The following ZFHX3 variants were observed in gnomAD, a reference collection of about 807,000 sequenced individuals.
ZFHX3 encodes zinc finger homeobox 3.
ZFHX3 carries 42 observed loss-of-function variants against 279.1 expected under a neutral mutation model. The ratio of observed to expected loss-of-function variants is 0.15; its 90% CI spans 0.12 to 0.19. The LOEUF is 0.19. Ranked by LOEUF, ZFHX3 falls within the 10% of genes least tolerant of loss-of-function variation. The probability of loss-of-function intolerance (pLI) is 1.00; values close to 1 mark genes in which losing one functional copy is unlikely to be tolerated. For synonymous variants in ZFHX3, 2,293 were observed against 1,957.8 expected, an observed-to-expected ratio of 1.17 and a Z score of -4.52; for missense variants, 4,981 against 4,754.0, an observed-to-expected ratio of 1.05 and a Z score of -1.40.
chr16:72,867,378 T>C (rs2038048177), intron 4 of ZFHX3, among the ~76,000 whole-genome samples: 1 of 152,222 alleles, frequency 6.6e-6, no homozygotes, highest in African/African-American at 2.4e-5. Flanking sequence ...GCACTCTGTC[T>C]AATCCTGAGC....
chr16:73,085,653 CT>C (rs1405302234), intron 8 of ZFHX3, among the ~76,000 whole-genome samples: 1 of 152,134 alleles, frequency 6.6e-6, no homozygotes, highest in Non-Finnish European at 1.5e-5. Context: ...AGCTAGACCC[CT>C]ATCTTTCACC....
chr16:73,046,108 T>C (rs573135336), intron 1 of ZFHX3, among the ~76,000 whole-genome samples: 20 of 152,206 alleles, frequency 1.3e-4, no homozygotes, highest in Non-Finnish European at 1.8e-4. Flanking sequence ...TTGGCCATCA[T>C]AGCTACACAC....
At chr16:73,196,922 C>T (rs1968160776) in intron 5 of ZFHX3, among the ~76,000 whole-genome samples, 1 of 152,112 alleles carries the variant, frequency 6.6e-6, no homozygotes, top group Non-Finnish European at 1.5e-5. Context: ...TCTGGAGGGC[C>T]ATGGAGCTGG....
intron 5 of ZFHX3, among the ~76,000 whole-genome samples, chr16:73,218,567 G>A (rs1010708069): frequency 2.2e-4 from 33 of 152,236 alleles, no homozygotes; most frequent in African/African-American, 7.7e-4. Flanking sequence ...TCAAGAGTTC[G>A]AGACCAGCCT....
rs1555501460 is a variant in ZFHX3 at position 73,784,816 on chromosome 16, T to TATATATACACAC, written c.-1607-104577_-1607-104576insGTGTGTATATAT. On this transcript the variant is annotated intron_variant, in intron 1 of 17. Coordinates refer to the ZFHX3 transcript ENST00000641206. ...AAAAAAATATATATATATATATATA[T>TATATATACACAC]ACACACACACACACACACACATATA... is the stretch of plus-strand genomic sequence containing the variant. Among the ~76,000 whole-genome samples the TATATATACACAC allele has an allele frequency of 1.4e-3, 187 of 135,506 alleles. 1 individual carries two copies. Among genetic ancestry groups the TATATATACACAC allele is most frequent in the African/African-American group, 5.0e-3 (174 of 34,844 alleles). 88.9% of individuals were successfully genotyped at this position (135,506 alleles called of 152,430 possible).
chr16:73,182,584 G>A (rs916251872), intron 5 of ZFHX3, among the ~76,000 whole-genome samples: 20 of 152,174 alleles, frequency 1.3e-4, no homozygotes, highest in African/African-American at 4.6e-4. Flanking sequence ...AAAGGCATGT[G>A]CATTCATGTA....
intron 1 of ZFHX3, among the ~76,000 whole-genome samples, chr16:73,816,419 C>G (rs1415212258): frequency 6.6e-6 from 1 of 152,108 alleles, no homozygotes; most frequent in African/African-American, 2.4e-5. Context: ...GTCCAGACTA[C>G]CCCCTATCTT....
intron 1 of ZFHX3, among the ~76,000 whole-genome samples, chr16:73,842,169 T>C (rs1351596031): frequency 3.3e-5 from 5 of 151,502 alleles, no homozygotes; most frequent in South Asian, 4.2e-4. Context: ...TGAGCCGAGA[T>C]TGCACCACTG....
At chr16:72,891,397 G>A (rs765999800) in intron 3 of ZFHX3, among the ~76,000 whole-genome samples, 12 of 152,190 alleles carry the variant, frequency 7.9e-5, no homozygotes, top group South Asian at 2.1e-4. Context: ...CTGTGGCTAG[G>A]AAGACTTAAA....
At chr16:73,749,406 C>T (rs1241923591) in intron 1 of ZFHX3, among the ~76,000 whole-genome samples, 2 of 152,110 alleles carry the variant, frequency 1.3e-5, no homozygotes, top group African/African-American at 4.8e-5. Flanking sequence ...TCCCTCATCT[C>T]TGGAACTATT....
chr16:73,363,896 G>A (rs901789218), intron 3 of ZFHX3, among the ~76,000 whole-genome samples: 2 of 152,044 alleles, frequency 1.3e-5, no homozygotes, highest in African/African-American at 4.8e-5. Context: ...TACAGTTCTG[G>A]GCACGGCAGC....
chr16:73,846,968 C>T (rs1285882391), intron 1 of ZFHX3, among the ~76,000 whole-genome samples: 1 of 151,968 alleles, frequency 6.6e-6, no homozygotes, highest in South Asian at 2.1e-4. Context: ...TTGTAGGTCA[C>T]AGTGATTCCC....
chr16:72,817,513 A>G lies in ZFHX3; in HGVS notation c.3530-5475T>C, dbSNP rs566971061. ...ATCCACTTGCCCTCCAAGAAAACCA[A>G]CATACTGGTAGAATTAGTTTCTGTG... On this transcript the variant is annotated intron_variant, in intron 5 of 9. Coordinates refer to ENST00000268489, the MANE Select transcript of ZFHX3 (RefSeq NM_006885.4). Among the ~76,000 whole-genome samples the G allele has an allele frequency of 6.6e-5, 10 of 152,290 alleles. No individual in the cohort carries two copies. In the East Asian group the frequency reaches 1.7e-3, roughly 26 times the overall value.
At chr16:72,910,515 C>T (rs551122552) in intron 3 of ZFHX3, among the ~76,000 whole-genome samples, 11 of 152,186 alleles carry the variant, frequency 7.2e-5, no homozygotes, top group South Asian at 2.1e-4. Flanking sequence ...CACAGTCCTG[C>T]GTAGATTTCA....
In ZFHX3 at chr16:73,844,241, G is replaced by C. The variant is rs551141810; in HGVS notation, c.-1608+47410C>G. Among the ~76,000 whole-genome samples, 50 of 152,340 alleles carry C rather than the reference G, an allele frequency of 3.3e-4. No individual in the cohort carries two copies. The East Asian group carries it at 9.3e-3, about 28-fold the overall frequency. On this transcript the variant is annotated intron_variant, in intron 1 of 17. Coordinates refer to the ZFHX3 transcript ENST00000641206. ...AAAAAGAAAAGAGGTACAAAATGCA[G>C]TGAAATGTATGGGTCCAGGTCCCAG...
intron 2 of ZFHX3, among the ~76,000 whole-genome samples, chr16:73,651,285 T>C (rs770900913): frequency 6.0e-5 from 9 of 150,452 alleles, no homozygotes; most frequent in African/African-American, 2.2e-4. Context: ...GGGGATGATA[T>C]AGTAAGAAGG....
At chr16:73,608,714 G>T in intron 2 of ZFHX3, 1 of 152,092 alleles carries the variant, frequency 6.6e-6, no homozygotes, top group East Asian at 1.9e-4. Flanking sequence ...ATAGATTCAG[G>T]CTGTATCTTC....
At chr16:73,748,562 C>A (rs1352961777) in intron 1 of ZFHX3, among the ~76,000 whole-genome samples, 2 of 152,140 alleles carry the variant, frequency 1.3e-5, no homozygotes, top group African/African-American at 2.4e-5. Context: ...TCATGCTATA[C>A]CCTCTGTTCA....
At chr16:73,868,656 C>A (rs1376713724) in intron 1 of ZFHX3, among the ~76,000 whole-genome samples, 1 of 152,230 alleles carries the variant, frequency 6.6e-6, no homozygotes, top group African/African-American at 2.4e-5. Context: ...CCCTTAAGGA[C>A]AACTCCTTAG....
Sources: allele counts gnomAD v4.1 joint callset (sites outside exome capture counted in the v4.1 genomes callset), GRCh38; gene constraint gnomAD v4.1.1; transcripts MANE v1.5; gene names NCBI Gene and HGNC (gene_info 2026-07-23, HGNC 2026-07-21).